Variants in PACRG observed in about 807,000 individuals in gnomAD.
The protein encoded by PACRG is parkin coregulated gene protein.
Under a neutral mutation model 29.7 loss-of-function variants are expected in PACRG, and 29 were observed. That is an observed-to-expected ratio of 0.98 (90% CI 0.73 to 1.33). The LOEUF (loss-of-function observed/expected upper bound fraction) is 1.33, where lower values mean the gene tolerates loss of function less well. PACRG is among the 40% of genes most tolerant of loss of function. The pLI is 0.00. For missense variants in PACRG, 279 were observed against 316.2 expected, an observed-to-expected ratio of 0.88 and a Z score of 0.89; for synonymous variants, 116 against 118.7, an observed-to-expected ratio of 0.98 and a Z score of 0.15.
intron 2 of PACRG, among the ~76,000 whole-genome samples, chr6:162,867,169 G>T (rs1373382419): frequency 6.6e-6 from 1 of 152,152 alleles, no homozygotes; most frequent in African/African-American, 2.4e-5. Flanking sequence ...AGTGTCACCT[G>T]AATGCTCCCC....
At chr6:162,869,127 A>G (rs1039196544) in intron 2 of PACRG, among the ~76,000 whole-genome samples, 6 of 152,194 alleles carry the variant, frequency 3.9e-5, no homozygotes, top group Admixed American at 3.3e-4. Flanking sequence ...TTTGCCACTG[A>G]ATAGCAGCAA....
At chr6:162,812,542 A>G (rs1321811614) in intron 1 of PACRG, among the ~76,000 whole-genome samples, 2 of 152,028 alleles carry the variant, frequency 1.3e-5, no homozygotes, top group Non-Finnish European at 2.9e-5. Context: ...CCATATTGGT[A>G]GATGTTACCA....
chr6:163,289,097 G>A (rs1312979108), intron 4 of PACRG, among the ~76,000 whole-genome samples: 2 of 152,144 alleles, frequency 1.3e-5, no homozygotes, highest in African/African-American at 4.8e-5. Flanking sequence ...GGAACTGGTC[G>A]CTGGAAACCA....
intron 4 of PACRG, among the ~76,000 whole-genome samples, chr6:163,119,274 C>T (rs1245583591): frequency 6.6e-6 from 1 of 152,220 alleles, no homozygotes; most frequent in African/African-American, 2.4e-5. Flanking sequence ...GAGCACGCTG[C>T]CTAACTCATC....
intron 1 of PACRG, among the ~76,000 whole-genome samples, chr6:162,773,493 CATTTTTTTTTTTTT>C (rs1248838833): frequency 3.6e-5 from 3 of 82,728 alleles, no homozygotes; most frequent in Admixed American, 1.5e-4. Context: ...TACAGCTTGT[CATTTTTTTTTTTTT>C]TTTTTTTTTT....
intron 2 of PACRG, among the ~76,000 whole-genome samples, chr6:163,008,805 T>A (rs1277656510): frequency 6.6e-6 from 1 of 151,864 alleles, no homozygotes; most frequent in Non-Finnish European, 1.5e-5. Context: ...AAACAGAACA[T>A]CCATACATGT....
intron 3 of PACRG, 25 bp from the exon 4 acceptor site, chr6:163,089,234 G>A (rs887673156): frequency 6.2e-7 from 1 of 1,602,876 alleles, no homozygotes; most frequent in South Asian, 1.1e-5. Flanking sequence ...AATATTTTCT[G>A]CTTGGTCCTT....
chr6:163,269,089 C>A (rs2128178497), intron 4 of PACRG, among the ~76,000 whole-genome samples: 1 of 152,312 alleles, frequency 6.6e-6, no homozygotes. Flanking sequence ...GGTAACTCCT[C>A]CAAGTAAACT....
At chr6:163,171,929 T>C (rs1779107447) in intron 4 of PACRG, among the ~76,000 whole-genome samples, 1 of 152,154 alleles carries the variant, frequency 6.6e-6, no homozygotes, top group Non-Finnish European at 1.5e-5. Context: ...CATCACAGAC[T>C]CTACCATGGA....
chr6:163,171,111 T>A (rs1430148764), intron 4 of PACRG, among the ~76,000 whole-genome samples: 4 of 152,204 alleles, frequency 2.6e-5, no homozygotes, highest in Non-Finnish European at 1.5e-5. Context: ...CCATAATTTT[T>A]AAAAGCAAAG....
chr6:162,789,716 T>C (rs992506723), intron 1 of PACRG, among the ~76,000 whole-genome samples: 2 of 152,190 alleles, frequency 1.3e-5, no homozygotes, highest in African/African-American at 4.8e-5. Flanking sequence ...TAGACTGTTT[T>C]CATAAGTCTT....
At chr6:163,050,415 G>A (rs943719853) in intron 2 of PACRG, among the ~76,000 whole-genome samples, 12 of 151,408 alleles carry the variant, frequency 7.9e-5, no homozygotes, top group Admixed American at 3.3e-4. Flanking sequence ...TCTTAGCCCC[G>A]CTTTATAAAC....
At chr6:163,307,242 C>T (rs1257120714) in intron 4 of PACRG, among the ~76,000 whole-genome samples, 2 of 152,154 alleles carry the variant, frequency 1.3e-5, no homozygotes, top group African/African-American at 2.4e-5. Context: ...AAGATGAAAA[C>T]GTTTCCTCAA....
At chr6:162,963,163 G>T (rs1232352891) in intron 2 of PACRG, among the ~76,000 whole-genome samples, 1 of 152,148 alleles carries the variant, frequency 6.6e-6, no homozygotes, top group East Asian at 1.9e-4. Context: ...TACCAAAGAT[G>T]CTTGTTTGGG....
intron 4 of PACRG, among the ~76,000 whole-genome samples, chr6:163,250,946 T>G (rs1782879814): frequency 6.7e-6 from 1 of 149,958 alleles, no homozygotes; most frequent in Admixed American, 6.6e-5. Flanking sequence ...AGGAATGAAT[T>G]AACACCATTT....
intron 4 of PACRG, among the ~76,000 whole-genome samples, chr6:163,235,214 C>A (rs1782189131): frequency 6.6e-6 from 1 of 152,158 alleles, no homozygotes; most frequent in South Asian, 2.1e-4. Context: ...ACATTTCCTG[C>A]TGCTCTCTAA....
intron 2 of PACRG, among the ~76,000 whole-genome samples, chr6:162,924,310 A>G (rs756795323): frequency 6.6e-6 from 1 of 151,972 alleles, no homozygotes; most frequent in Non-Finnish European, 1.5e-5. Flanking sequence ...GTTTTTCTAT[A>G]TATAAGATCA....
intron 2 of PACRG, among the ~76,000 whole-genome samples, chr6:163,025,803 G>C (rs1807074118): frequency 6.6e-6 from 1 of 152,202 alleles, no homozygotes; most frequent in Admixed American, 6.5e-5. Context: ...CTGGAAGCCA[G>C]GGGGCAGGCC....
At chr6:162,844,489 A>C (rs1322385704) in intron 2 of PACRG, among the ~76,000 whole-genome samples, 1 of 152,130 alleles carries the variant, frequency 6.6e-6, no homozygotes, top group Non-Finnish European at 1.5e-5. Flanking sequence ...ACCTGTGCCC[A>C]CTTTCTGGCA....
Sources: allele counts gnomAD v4.1 joint callset (sites outside exome capture counted in the v4.1 genomes callset), GRCh38; gene constraint gnomAD v4.1.1; transcripts MANE v1.5; gene names NCBI Gene and HGNC (gene_info 2026-07-23, HGNC 2026-07-21).